Variants in ACAP2 observed in about 807,000 individuals in gnomAD.
ACAP2 encodes arf-GAP with coiled-coil, ANK repeat and PH domain-containing protein 2.
Under a neutral mutation model 115.8 loss-of-function variants are expected in ACAP2, and 39 were observed. The observed-to-expected ratio is 0.34, with a 90% confidence interval of 0.26 to 0.44. ACAP2 has a LOEUF of 0.44. Among genes scored for constraint, ACAP2 ranks in the 20% least tolerant of loss-of-function variants. The pLI, the probability that ACAP2 is intolerant of heterozygous loss-of-function variation, is 1.00. For synonymous variants in ACAP2, 289 were observed against 315.8 expected (o/e 0.92, Z 0.90); for missense variants, 662 against 927.6 (o/e 0.71, Z 3.72).
chr3:195,412,377 C>T (rs1713347458), intron 1 of ACAP2, among the ~76,000 whole-genome samples: 1 of 150,210 alleles, frequency 6.7e-6, no homozygotes, highest in Admixed American at 6.6e-5. Context: ...GTCAGGAGTT[C>T]GAGACCAGCC....
In ACAP2 at chr3:195,386,118, G is replaced by C. The variant is rs543792799; in HGVS notation, c.112-4096C>G. On this transcript the variant is annotated intron_variant, in intron 2 of 22. Transcript: ENST00000326793. ...TGGATGACTCTTAAAAACATGCTAA[G>C]AGAAAGGAGCTAGTCACATAAGACC... 2.0e-5 allele frequency among the ~76,000 whole-genome samples: 3 copies of C among 152,322 alleles called. No homozygotes were observed. In the South Asian group the frequency reaches 6.2e-4, roughly 32 times the overall value.
In ACAP2 at chr3:195,363,479, C is replaced by T. The variant is rs1368976273; in HGVS notation, c.285+17530G>A. ...CCAACATGAAGAAACTCCGTCTCTA[C>T]TAAAAATACAAAATTAACTAGGCGT... On this transcript the variant is annotated intron_variant, in intron 4 of 22. Coordinates refer to ENST00000326793, the MANE Select transcript of ACAP2 (RefSeq NM_012287.6). Among the ~76,000 whole-genome samples, 3 of 152,012 alleles carry T rather than the reference C, an allele frequency of 2.0e-5. No homozygotes were observed. In the East Asian group the frequency reaches 5.8e-4, roughly 29 times the overall value.
intron 2 of ACAP2, among the ~76,000 whole-genome samples, chr3:195,385,388 TAAAAA>T (rs57423683): frequency 3.5e-5 from 4 of 113,942 alleles, no homozygotes; most frequent in African/African-American, 9.5e-5. Context: ...ACAAACTTAG[TAAAAA>T]AAAAAAAAAA....
intron 1 of ACAP2, among the ~76,000 whole-genome samples, chr3:195,416,534 G>A (rs1188977078): frequency 6.6e-6 from 1 of 152,042 alleles, no homozygotes; most frequent in African/African-American, 2.4e-5. Context: ...AACACCTTTA[G>A]AAAGCATTTG....
At chr3:195,419,787 T>C (rs74586512) in intron 1 of ACAP2, among the ~76,000 whole-genome samples, 1,715 of 152,336 alleles carry the variant, frequency 0.011, 11 homozygotes, top group Non-Finnish European at 0.018. Flanking sequence ...CTAGTAACTA[T>C]CCTTTTCCCC....
chr3:195,362,575 G>A (rs1732445921), intron 4 of ACAP2, among the ~76,000 whole-genome samples: 1 of 151,900 alleles, frequency 6.6e-6, no homozygotes, highest in Non-Finnish European at 1.5e-5. Context: ...GATGAACACT[G>A]ATGAAAAAAT....
chr3:195,387,552 T>G lies in ACAP2; in HGVS notation c.111+4538A>C, dbSNP rs138270766. Reference sequence around the variant, plus strand: ...TTCTTTTTCTTTGGAAATGGGGTCTTGCTCTGTCACCCAGGCTGGAGTGCA... The same window carrying G: ...TTCTTTTTCTTTGGAAATGGGGTCTGGCTCTGTCACCCAGGCTGGAGTGCA... On this transcript the variant is annotated intron_variant, in intron 2 of 22. Transcript: ENST00000326793. 6.8e-3 allele frequency among the ~76,000 whole-genome samples: 1,035 copies of G among 152,302 alleles called. 9 individuals are homozygous for G. Among genetic ancestry groups the G allele is most frequent in the African/African-American group, 0.021 (887 of 41,572 alleles).
chr3:195,411,045 C>T (rs767110081), intron 1 of ACAP2: 2 of 353,022 alleles, frequency 5.7e-6, no homozygotes, highest in Non-Finnish European at 1.1e-5. Context: ...TATAAATTAT[C>T]TAGTCAGTGC....
At chr3:195,294,570 C>A (rs1727494972) in intron 18 of ACAP2, 149 bp downstream of exon 18, 1 of 130,438 alleles carries the variant, frequency 7.7e-6, no homozygotes, top group African/African-American at 3.2e-5. Flanking sequence ...AAGAGTGAAA[C>A]TCCATCTCAA....
At chr3:195,290,490 G>A (rs1311672739) in intron 20 of ACAP2, among the ~76,000 whole-genome samples, 1 of 152,120 alleles carries the variant, frequency 6.6e-6, no homozygotes, top group Admixed American at 6.6e-5. Context: ...TCTCTTTGCT[G>A]ATAGAAGAAA....
chr3:195,309,216 A>G (rs76282076), intron 10 of ACAP2, among the ~76,000 whole-genome samples: 3,489 of 152,268 alleles, frequency 0.023, 135 homozygotes, highest in African/African-American at 0.079. Context: ...CTTTTCTCAT[A>G]AAGTTGGCAT....
intron 1 of ACAP2, among the ~76,000 whole-genome samples, chr3:195,425,000 C>G (rs988312786): frequency 8.3e-6 from 1 of 120,592 alleles, no homozygotes; most frequent in African/African-American, 3.3e-5. Flanking sequence ...GCACTCCAGC[C>G]TGGGCGACAG....
At chr3:195,361,896 C>T (rs1732397583) in intron 4 of ACAP2, among the ~76,000 whole-genome samples, 1 of 152,146 alleles carries the variant, frequency 6.6e-6, no homozygotes, top group African/African-American at 2.4e-5. Context: ...AACAACTATG[C>T]ACCAATAAAT....
intron 1 of ACAP2, among the ~76,000 whole-genome samples, chr3:195,441,307 T>C (rs145434128): frequency 1.5e-3 from 227 of 152,344 alleles, no homozygotes; most frequent in African/African-American, 5.0e-3. Flanking sequence ...CATGCTGTCC[T>C]GGAAACCAAC....
Position 195,306,420 on chromosome 3 carries a change from C to G in ACAP2, c.1116+91G>C, listed in dbSNP as rs532378359. On this transcript the variant is annotated intron_variant, in intron 13 of 22. Transcript: ENST00000326793. The stretch of plus-strand genomic sequence containing the variant: ...AATTACATAAAATCATCTTCCATAA[C>G]AAACGATGCTACATACAGTCATATA... 56 of 629,526 alleles carry G rather than the reference C, an allele frequency of 8.9e-5. 2 individuals carry two copies. In the South Asian group the frequency reaches 1.9e-3, roughly 21 times the overall value. 39.0% of individuals were successfully genotyped at this position (629,526 alleles called of 1,614,324 possible). A position where few individuals can be genotyped will look rare whatever the true frequency, so the allele number is the denominator to read the frequency against.
chr3:195,348,318 T>G (rs1483368134), intron 4 of ACAP2, among the ~76,000 whole-genome samples: 1 of 131,306 alleles, frequency 7.6e-6, no homozygotes, highest in Admixed American at 7.5e-5. Flanking sequence ...AAACACATCC[T>G]ACAAAGAAAA....
intron 5 of ACAP2, among the ~76,000 whole-genome samples, chr3:195,343,520 G>C (rs960216927): frequency 2.6e-5 from 4 of 152,228 alleles, no homozygotes; most frequent in African/African-American, 9.6e-5. Flanking sequence ...TAAAGTCCTG[G>C]GCTCAAGCGA....
At chr3:195,408,236 C>CG (rs1712955366) in intron 1 of ACAP2, among the ~76,000 whole-genome samples, 1 of 152,060 alleles carries the variant, frequency 6.6e-6, no homozygotes, top group East Asian at 1.9e-4. Flanking sequence ...CCAAGGCAGG[C>CG]GGTCTGCTTT....
chr3:195,325,663 T>C (rs987111845), intron 9 of ACAP2, among the ~76,000 whole-genome samples: 1 of 152,120 alleles, frequency 6.6e-6, no homozygotes, highest in Non-Finnish European at 1.5e-5. Context: ...ATAATGTTTA[T>C]TAAGTAATTC....
Sources: gnomAD v4.1 joint callset for allele counts (sites outside exome capture counted in the v4.1 genomes callset) on GRCh38, gnomAD v4.1.1 for gene constraint, MANE v1.5 for transcripts, NCBI Gene and HGNC (gene_info 2026-07-23, HGNC 2026-07-21) for gene names.